RREB1: variants seen among roughly 807,000 people sequenced by gnomAD.
RREB1 encodes ras-responsive element-binding protein 1.
Under a neutral mutation model 117.8 loss-of-function variants are expected in RREB1, and 27 were observed. The observed-to-expected ratio is 0.23, with a 90% CI of 0.17 to 0.32. The LOEUF (loss-of-function observed/expected upper bound fraction) is 0.32, where lower values mean the gene tolerates loss of function less well. Among genes scored for constraint, RREB1 ranks in the 10% least tolerant of loss-of-function variants. RREB1 has a pLI of 1.00. For missense variants in RREB1, 2,577 were observed against 2,378.2 expected, an observed-to-expected ratio of 1.08 and a Z score of -1.74; for synonymous variants, 1,298 against 1,026.7, an observed-to-expected ratio of 1.26 and a Z score of -5.05.
chr6:7,108,316 TTCCTCCTCC>T (rs143321297), intron 1 of RREB1, among the ~76,000 whole-genome samples: 7 of 148,172 alleles, frequency 4.7e-5, no homozygotes, highest in Admixed American at 2.7e-4. Flanking sequence ...CGCCGGGCCA[TTCCTCCTCC>T]TCCTCCTCCT....
intron 8 of RREB1, chr6:7,217,945 C>T (rs1352521409): frequency 2.0e-5 from 3 of 152,058 alleles, no homozygotes; most frequent in Non-Finnish European, 2.9e-5. Context: ...CTGTTTTTAT[C>T]TAGTTTTCGC....
intron 8 of RREB1, among the ~76,000 whole-genome samples, chr6:7,223,741 A>G (rs1002620327): frequency 6.6e-6 from 1 of 152,190 alleles, no homozygotes; most frequent in African/African-American, 2.4e-5. Context: ...ACACATTCTC[A>G]GCTAAACAAC....
At chr6:7,200,938 A>G (rs899877328) in intron 6 of RREB1, among the ~76,000 whole-genome samples, 6 of 152,228 alleles carry the variant, frequency 3.9e-5, no homozygotes, top group Non-Finnish European at 5.9e-5. Flanking sequence ...GCAGTACAGT[A>G]TTTTTGACAT....
At chr6:7,117,806 G>A (rs1761481402) in intron 1 of RREB1, among the ~76,000 whole-genome samples, 1 of 151,884 alleles carries the variant, frequency 6.6e-6, no homozygotes, top group South Asian at 2.1e-4. Flanking sequence ...TAAACTCCTG[G>A]GATGGAGCAG....
intron 11 of RREB1, among the ~76,000 whole-genome samples, chr6:7,242,483 A>G (rs1316710600): frequency 6.6e-6 from 1 of 152,218 alleles, no homozygotes; most frequent in African/African-American, 2.4e-5. Flanking sequence ...AAGAGAAAAT[A>G]CATGTTTGGT....
intron 1 of RREB1, among the ~76,000 whole-genome samples, chr6:7,136,834 G>A (rs932597856): frequency 5.3e-5 from 8 of 152,174 alleles, no homozygotes; most frequent in African/African-American, 1.2e-4. Context: ...AAAGCCCGTC[G>A]TTAACCAAAC....
At chr6:7,115,691 CTCG>C (rs1249054490) in intron 1 of RREB1, among the ~76,000 whole-genome samples, 3 of 152,104 alleles carry the variant, frequency 2.0e-5, no homozygotes, top group African/African-American at 7.2e-5. Flanking sequence ...TTTCTGTCTT[CTCG>C]TCTAACCTAT....
rs182371892 is a variant in RREB1 at position 7,147,332 on chromosome 6, C to T, written c.-284-29323C>T. 1.9e-3 allele frequency among the ~76,000 whole-genome samples: 295 copies of T among 152,282 alleles called. 1 individual carries two copies. The highest frequency in any genetic ancestry group is 6.5e-3 in the African/African-American group (272 of 41,556). On this transcript the variant is annotated intron_variant, in intron 1 of 12. Transcript: ENST00000379938. ...CCATACTGCATTTCAGCTTGGAGTG[C>T]GCAGCATGAGGCATTTGTGGTTCAG...
intron 1 of RREB1, among the ~76,000 whole-genome samples, chr6:7,146,394 G>T (rs556859315): frequency 5.9e-5 from 9 of 152,108 alleles, no homozygotes; most frequent in Non-Finnish European, 1.0e-4. Context: ...GGGAGGAGGC[G>T]AGGTGGGGAC....
At chr6:7,112,795 C>T (rs577619004) in intron 1 of RREB1, among the ~76,000 whole-genome samples, 5 of 140,612 alleles carry the variant, frequency 3.6e-5, no homozygotes, top group Admixed American at 1.4e-4. Flanking sequence ...GCAGTCCTGT[C>T]GGCAATGTCA....
chr6:7,182,637 A>G (rs1025057509), intron 4 of RREB1, among the ~76,000 whole-genome samples: 13 of 152,188 alleles, frequency 8.5e-5, no homozygotes, highest in African/African-American at 3.1e-4. Context: ...ACAAAAGTTG[A>G]TGTCTTCTCT....
chr6:7,199,077 A>T (rs1765804259), intron 6 of RREB1, among the ~76,000 whole-genome samples: 1 of 152,150 alleles, frequency 6.6e-6, no homozygotes, highest in Non-Finnish European at 1.5e-5. Flanking sequence ...CGTTGGCTGG[A>T]TTTGAAACCT....
chr6:7,230,771 G>A lies in RREB1; in HGVS notation c.2672G>A (p.Ser891Asn). The change falls in exon 10 of 13, where the codon AGC (serine) becomes AAC (asparagine). Residue 891 changes from serine (S) to asparagine (N), a missense_variant. Coordinates refer to ENST00000379938, the MANE Select transcript of RREB1 (RefSeq NM_001003699.4). ...HVSIKLEPAS[S>N]FAVDFNEPLD... ...TCGATCAAGTTGGAGCCCGCCAGTA[G>A]CTTTGCGGTGGACTTCAATGAGCCC... is the stretch of plus-strand genomic sequence containing the variant. 1 of 1,612,892 alleles carries A rather than the reference G, an allele frequency of 6.2e-7. No homozygotes were observed. The highest frequency in any genetic ancestry group is 8.5e-7 in the Non-Finnish European group (1 of 1,179,186).
At chr6:7,138,430 A>C (rs1349736047) in intron 1 of RREB1, among the ~76,000 whole-genome samples, 1 of 152,234 alleles carries the variant, frequency 6.6e-6, no homozygotes, top group East Asian at 1.9e-4. Flanking sequence ...TAAATTAACT[A>C]TCCAGTTGAG....
chr6:7,138,685 G>C (rs1762440726), intron 1 of RREB1, among the ~76,000 whole-genome samples: 1 of 152,116 alleles, frequency 6.6e-6, no homozygotes, highest in South Asian at 2.1e-4. Context: ...TTCACAAGTG[G>C]GTTAAGGCAC....
At chr6:7,142,666 G>GGGCT (rs1033943803) in intron 1 of RREB1, among the ~76,000 whole-genome samples, 1 of 152,246 alleles carries the variant, frequency 6.6e-6, no homozygotes, top group African/African-American at 2.4e-5. Flanking sequence ...GAGCCACGTG[G>GGGCT]GGCTAGCTTA....
intron 1 of RREB1, among the ~76,000 whole-genome samples, chr6:7,172,698 G>GC (rs1764279539): frequency 7.2e-6 from 1 of 138,982 alleles, no homozygotes; most frequent in Admixed American, 7.0e-5. Context: ...GTGTGGGGGG[G>GC]TGGGGGTGAC....
At position 7,211,724 on chromosome 6, in the gene RREB1, G is replaced by A. The variant is rs1399564099; in HGVS notation, c.707+15G>A. The A allele has an allele frequency of 6.2e-7, 1 of 1,613,490 alleles. No homozygotes were observed. The highest frequency in any genetic ancestry group is 1.1e-5 in the South Asian group (1 of 91,032). ...AACCCACTAAGGTAGGAGAAAGAGT[G>A]AACTAGACCTTGTTCATTCCTGTTT... On this transcript the variant is annotated intron_variant, in intron 8 of 12. Coordinates refer to ENST00000379938, the MANE Select transcript of RREB1 (RefSeq NM_001003699.4).
At chr6:7,201,730 T>G (rs1482905042) in intron 6 of RREB1, among the ~76,000 whole-genome samples, 1 of 152,130 alleles carries the variant, frequency 6.6e-6, no homozygotes, top group African/African-American at 2.4e-5. Flanking sequence ...GCATAATGGG[T>G]TCATTGGTCC....
Sources: allele counts gnomAD v4.1 joint callset (sites outside exome capture counted in the v4.1 genomes callset), GRCh38; gene constraint gnomAD v4.1.1; transcripts MANE v1.5; gene names NCBI Gene and HGNC (gene_info 2026-07-23, HGNC 2026-07-21).